The following PRLR variants were observed in gnomAD, a reference collection of about 807,000 sequenced individuals.
PRLR encodes prolactin receptor.
A neutral mutation model predicts 40.2 loss-of-function variants in PRLR; 13 were observed. The observed-to-expected ratio is 0.32, with a 90% confidence interval of 0.21 to 0.51. The LOEUF is 0.51. PRLR is among the 20% of genes least tolerant of loss of function. PRLR has a pLI of 0.97. For missense variants in PRLR, 656 were observed against 747.3 expected (o/e 0.88, Z 1.42); for synonymous variants, 269 against 278.7 (o/e 0.97, Z 0.35).
At chr5:35,102,759 T>C (rs1315362814) in intron 2 of PRLR, among the ~76,000 whole-genome samples, 2 of 152,130 alleles carry the variant, frequency 1.3e-5, no homozygotes, top group African/African-American at 4.8e-5. Context: ...GTCAGGCTGG[T>C]CTCGAACTCC....
intron 1 of PRLR, among the ~76,000 whole-genome samples, chr5:35,201,701 C>A (rs778101935): frequency 6.7e-5 from 2 of 29,750 alleles, no homozygotes; most frequent in African/African-American, 1.5e-4. Context: ...TTTTAGTTCT[C>A]TTCTCTTCTC....
intron 1 of PRLR, among the ~76,000 whole-genome samples, chr5:35,154,505 T>C (rs1031432514): frequency 3.9e-4 from 59 of 152,270 alleles, no homozygotes; most frequent in African/African-American, 1.4e-3. Context: ...TCTAGTGAGG[T>C]TGCAGAGAAA....
chr5:35,050,208 T>C (rs1457780920), intron 8 of PRLR, among the ~76,000 whole-genome samples: 1 of 152,180 alleles, frequency 6.6e-6, no homozygotes, highest in Non-Finnish European at 1.5e-5. Flanking sequence ...CGGACAAAAC[T>C]ATATTCTAAG....
intron 1 of PRLR, among the ~76,000 whole-genome samples, chr5:35,124,404 A>G (rs772258740): frequency 3.9e-5 from 6 of 152,084 alleles, no homozygotes; most frequent in Non-Finnish European, 8.8e-5. Context: ...GTAAAATCCT[A>G]GAGGGGTTAG....
chr5:35,134,981 A>T (rs1773807951), intron 1 of PRLR, among the ~76,000 whole-genome samples: 1 of 152,194 alleles, frequency 6.6e-6, no homozygotes, highest in African/African-American at 2.4e-5. Flanking sequence ...ATAACATTGG[A>T]CTGAGGAACA....
At chr5:35,095,868 G>A (rs962071465) in intron 2 of PRLR, among the ~76,000 whole-genome samples, 2 of 152,172 alleles carry the variant, frequency 1.3e-5, no homozygotes, top group African/African-American at 2.4e-5. Flanking sequence ...TCAGGTGAAC[G>A]TAATTAGAAG....
intron 1 of PRLR, among the ~76,000 whole-genome samples, chr5:35,224,760 C>A (rs1776508953): frequency 6.6e-6 from 1 of 151,966 alleles, no homozygotes; most frequent in South Asian, 2.1e-4. Flanking sequence ...ACATGCAAAC[C>A]AGTAGAGTAC....
intron 5 of PRLR, among the ~76,000 whole-genome samples, chr5:35,075,328 C>T (rs529491848): frequency 4.4e-4 from 67 of 152,322 alleles, no homozygotes; most frequent in Non-Finnish European, 8.5e-4. Context: ...AAAATTGGGA[C>T]ACTACCACTG....
chr5:35,207,025 G>A (rs1263763886), intron 1 of PRLR, among the ~76,000 whole-genome samples: 2 of 152,070 alleles, frequency 1.3e-5, no homozygotes, highest in African/African-American at 4.8e-5. Flanking sequence ...CTGGGAGAGA[G>A]AATTTTCATT....
chr5:35,095,031 G>A (rs1771449172), intron 2 of PRLR, among the ~76,000 whole-genome samples: 1 of 152,014 alleles, frequency 6.6e-6, no homozygotes, highest in Non-Finnish European at 1.5e-5. Flanking sequence ...GTTTTGCCAT[G>A]TTGCCCAGGC....
intron 1 of PRLR, among the ~76,000 whole-genome samples, chr5:35,202,880 C>T (rs1775917364): frequency 1.3e-5 from 2 of 152,148 alleles, no homozygotes; most frequent in Non-Finnish European, 2.9e-5. Context: ...CCTGGAAAAA[C>T]GTTCAAGTGG....
chr5:35,107,407 A>G (rs2111607761), intron 2 of PRLR, among the ~76,000 whole-genome samples: 1 of 152,296 alleles, frequency 6.6e-6, no homozygotes, highest in South Asian at 2.1e-4. Context: ...AGAAACACAA[A>G]AAGCTCTTCA....
intron 1 of PRLR, among the ~76,000 whole-genome samples, chr5:35,180,719 A>G (rs1285927158): frequency 6.6e-6 from 1 of 151,554 alleles, no homozygotes; most frequent in East Asian, 1.9e-4. Context: ...ATATCTCCTA[A>G]TGCTATCCCT....
intron 1 of PRLR, among the ~76,000 whole-genome samples, chr5:35,221,065 A>G (rs1457907916): frequency 5.3e-5 from 8 of 152,198 alleles, no homozygotes; most frequent in Non-Finnish European, 1.0e-4. Flanking sequence ...AGCTTCTGCA[A>G]CCAAAATGAT....
downstream of PRLR, among the ~76,000 whole-genome samples, chr5:35,051,061 G>A (rs547606320): frequency 1.3e-5 from 2 of 152,310 alleles, no homozygotes; most frequent in African/African-American, 4.8e-5. Flanking sequence ...ATAATGCAAG[G>A]TCAAAGTCCT....
At chr5:35,167,861 A>AAAGGC (rs70973032) in intron 1 of PRLR, among the ~76,000 whole-genome samples, 46,528 of 151,520 alleles carry the variant, frequency 0.31, 7,388 homozygotes, top group African/African-American at 0.39. Context: ...AAATTTTTAT[A>AAAGGC]AAGCAGGGAT....
chr5:35,197,983 C>T (rs532520292), intron 1 of PRLR, among the ~76,000 whole-genome samples: 1 of 152,352 alleles, frequency 6.6e-6, no homozygotes, highest in South Asian at 2.1e-4. Context: ...AAAGGCAGGG[C>T]AGTCCTGGAG....
intron 2 of PRLR, among the ~76,000 whole-genome samples, chr5:35,107,919 C>CA (rs1328961494): frequency 1.3e-5 from 2 of 152,000 alleles, no homozygotes; most frequent in Admixed American, 6.6e-5. Context: ...GAGACACACA[C>CA]AAAAAAGAGA....
intron 1 of PRLR, among the ~76,000 whole-genome samples, chr5:35,218,887 T>A (rs1587608): frequency 0.74 from 112,560 of 152,096 alleles, 42,101 homozygotes; most frequent in African/African-American, 0.8. Context: ...TTCTTCAGTC[T>A]TTGATAAGTG....
Sources: allele counts gnomAD v4.1 joint callset (sites outside exome capture counted in the v4.1 genomes callset), GRCh38; gene constraint gnomAD v4.1.1; transcripts MANE v1.5; gene names NCBI Gene and HGNC (gene_info 2026-07-23, HGNC 2026-07-21).